BICC1: variants seen among roughly 807,000 people sequenced by gnomAD.
BICC1 encodes protein bicaudal C homolog 1.
A neutral mutation model predicts 111.0 loss-of-function variants in BICC1; 43 were observed. The observed-to-expected ratio is 0.39, with a 90% CI of 0.30 to 0.50. The LOEUF (loss-of-function observed/expected upper bound fraction) is 0.50. Ranked by LOEUF, BICC1 falls within the 20% of genes least tolerant of loss-of-function variation. BICC1 has a pLI of 0.88. For synonymous variants in BICC1, 467 were observed against 434.4 expected (o/e 1.07, Z -0.93); for missense variants, 1,091 against 1,203.2 (o/e 0.91, Z 1.38).
At chr10:58,647,728 C>T (rs1030197093) in intron 2 of BICC1, among the ~76,000 whole-genome samples, 8 of 152,076 alleles carry the variant, frequency 5.3e-5, no homozygotes, top group Non-Finnish European at 8.8e-5. Flanking sequence ...AAGAGCTACC[C>T]TGCACCATTG....
chr10:58,779,962 T>C (rs1842842248), intron 3 of BICC1, among the ~76,000 whole-genome samples: 1 of 152,150 alleles, frequency 6.6e-6, no homozygotes, highest in South Asian at 2.1e-4. Flanking sequence ...TTTTGGCTAT[T>C]ATTACTTTGG....
In BICC1 at chr10:58,583,612, G is replaced by GTA. The variant is rs541496727; in HGVS notation, c.191-37242_191-37241insAT. Among the ~76,000 whole-genome samples, 1,224 of 151,762 alleles carry GTA rather than the reference G, an allele frequency of 8.1e-3. 12 individuals are homozygous for GTA. Among genetic ancestry groups the GTA allele is most frequent in the Non-Finnish European group, 0.013 (911 of 67,900 alleles). On this transcript the variant is annotated intron_variant, in intron 1 of 20. Coordinates refer to ENST00000373886, the MANE Select transcript of BICC1 (RefSeq NM_001080512.3). ...TGTGTGTGTGTGTGTGTGTGTGTGT[G>GTA]TGTGTGTGTGTGTGTACATACACAC...
At chr10:58,590,703 A>C (rs1844585701) in intron 1 of BICC1, among the ~76,000 whole-genome samples, 1 of 152,198 alleles carries the variant, frequency 6.6e-6, no homozygotes, top group Non-Finnish European at 1.5e-5. Flanking sequence ...AAAGTGCTCC[A>C]AGTTTCTCTA....
intron 3 of BICC1, among the ~76,000 whole-genome samples, chr10:58,719,886 C>T (rs1016094659): frequency 1.3e-5 from 2 of 152,122 alleles, no homozygotes; most frequent in Non-Finnish European, 2.9e-5. Context: ...ACATAATGTT[C>T]CCAACTGAAC....
intron 3 of BICC1, chr10:58,716,058 G>T: frequency 6.9e-7 from 1 of 1,454,952 alleles, no homozygotes; most frequent in Non-Finnish European, 9.4e-7. Flanking sequence ...ATGGAACTGA[G>T]AAAGAAAAGG....
chr10:58,640,915 G>C (rs923210486), intron 2 of BICC1, among the ~76,000 whole-genome samples: 6 of 152,120 alleles, frequency 3.9e-5, no homozygotes, highest in African/African-American at 1.4e-4. Context: ...ACTTGCTTTG[G>C]ATAGATAAAA....
At chr10:58,606,740 A>G (rs1180243258) in intron 1 of BICC1, among the ~76,000 whole-genome samples, 7 of 152,080 alleles carry the variant, frequency 4.6e-5, no homozygotes, top group African/African-American at 1.4e-4. Context: ...TCAGAAGCAT[A>G]TGCTTTGAGT....
chr10:58,800,185 T>C lies in BICC1; in HGVS notation c.1726-9T>C, dbSNP rs1564621243. 1.9e-6 allele frequency: 3 copies of C among 1,569,662 alleles called. No individual in the cohort carries two copies. The highest frequency in any genetic ancestry group is 4.6e-5 in the East Asian group (2 of 43,692). ...CATATTTATACATTATTTTCTATTA[T>C]TATTTTAGTCTCCAGATATAAAATA... On this transcript the variant is annotated splice_polypyrimidine_tract_variant and intron_variant, in intron 12 of 20. Transcript: ENST00000373886.
intron 2 of BICC1, among the ~76,000 whole-genome samples, chr10:58,670,915 T>C (rs1056658421): frequency 5.3e-5 from 8 of 152,162 alleles, no homozygotes; most frequent in Admixed American, 5.2e-4. Context: ...GAAAAAGCGT[T>C]ATGCTGGGTG....
chr10:58,529,211 C>G (rs1842619886), intron 1 of BICC1, among the ~76,000 whole-genome samples: 1 of 151,834 alleles, frequency 6.6e-6, no homozygotes, highest in African/African-American at 2.4e-5. Context: ...TTTTCCTTTT[C>G]CTCTGCTAAC....
chr10:58,723,276 A>G (rs1428950112), intron 3 of BICC1, among the ~76,000 whole-genome samples: 1 of 152,186 alleles, frequency 6.6e-6, no homozygotes. Context: ...AATTCCCTCT[A>G]CTTTCCTCAG....
intron 1 of BICC1, among the ~76,000 whole-genome samples, chr10:58,592,928 T>G (rs988426256): frequency 6.8e-6 from 1 of 146,518 alleles, no homozygotes; most frequent in East Asian, 2.0e-4. Flanking sequence ...AGCCAAGTGT[T>G]CGGGCTCGGT....
In BICC1 at chr10:58,725,760, G is replaced by A. The variant is rs117023725; in HGVS notation, c.307+23617G>A. On this transcript the variant is annotated intron_variant, in intron 3 of 20. Transcript: ENST00000373886. ...CCATGTTAAACAACCTGGAATGCTA[G>A]TATTACTACCAGCAGTGTCTGAGGG... Among the ~76,000 whole-genome samples, 39 of 152,300 alleles carry A rather than the reference G, an allele frequency of 2.6e-4. No homozygotes were observed. The East Asian group carries it at 7.0e-3, about 27-fold the overall frequency.
chr10:58,552,851 GACGTTTTTTAA>G (rs1479015716), intron 1 of BICC1, among the ~76,000 whole-genome samples: 2 of 152,182 alleles, frequency 1.3e-5, no homozygotes, highest in Non-Finnish European at 1.5e-5. Flanking sequence ...TATTCCTTGT[GACGTTTTTTAA>G]ACAGGGCTTT....
intron 1 of BICC1, among the ~76,000 whole-genome samples, chr10:58,515,713 T>G (rs1027676490): frequency 6.6e-6 from 1 of 152,212 alleles, no homozygotes; most frequent in Non-Finnish European, 1.5e-5. Context: ...GCTAGGCCTC[T>G]CTTTGCCTTC....
intron 3 of BICC1, among the ~76,000 whole-genome samples, chr10:58,763,272 T>G (rs1842368477): frequency 6.6e-6 from 1 of 152,176 alleles, no homozygotes; most frequent in African/African-American, 2.4e-5. Flanking sequence ...TATATATTTT[T>G]TCTTTTAAAT....
chr10:58,709,537 C>T (rs1229532454), intron 3 of BICC1, among the ~76,000 whole-genome samples: 1 of 152,208 alleles, frequency 6.6e-6, no homozygotes, highest in Non-Finnish European at 1.5e-5. Flanking sequence ...ACACTGTAAC[C>T]AGTTCATAGT....
At chr10:58,800,818 C>T (rs1225906948) in intron 13 of BICC1, 72 bp from the exon 14 acceptor site, 11 of 1,426,892 alleles carry the variant, frequency 7.7e-6, no homozygotes, top group Non-Finnish European at 1.0e-5. Context: ...GATTTGTTTC[C>T]ATTGCAGATA....
chr10:58,759,211 C>T (rs1166514402), intron 3 of BICC1, among the ~76,000 whole-genome samples: 7 of 151,970 alleles, frequency 4.6e-5, no homozygotes, highest in African/African-American at 1.7e-4. Context: ...CTGACCACCT[C>T]AGCCTCCCAA....
Sources: gnomAD v4.1 joint callset for allele counts (sites outside exome capture counted in the v4.1 genomes callset) on GRCh38, gnomAD v4.1.1 for gene constraint, MANE v1.5 for transcripts, NCBI Gene and HGNC (gene_info 2026-07-23, HGNC 2026-07-21) for gene names.